Variants in GAREM1 observed in about 807,000 individuals in gnomAD.
GAREM1 encodes the protein GRB2-associated and regulator of MAPK protein 1.
GAREM1 carries 26 observed loss-of-function variants against 71.3 expected under a neutral mutation model. That is an observed-to-expected ratio of 0.36 (90% CI 0.27 to 0.51). The LOEUF (loss-of-function observed/expected upper bound fraction) is 0.51. Among genes scored for constraint, GAREM1 ranks in the 20% least tolerant of loss-of-function variants. The pLI, the probability that GAREM1 is intolerant of heterozygous loss-of-function variation, is 0.95. For synonymous variants in GAREM1, 440 were observed against 433.2 expected (o/e 1.02, Z -0.20); for missense variants, 1,026 against 1,103.1 (o/e 0.93, Z 0.99).
At chr18:32,344,364 T>A (rs1231535777) in intron 2 of GAREM1, among the ~76,000 whole-genome samples, 1 of 152,196 alleles carries the variant, frequency 6.6e-6, no homozygotes, top group Non-Finnish European at 1.5e-5. Context: ...AACTTTATCC[T>A]TCTTAGTACT....
Position 32,470,335 on chromosome 18 carries a change from G to C in GAREM1, c.94C>G (p.Leu32Val). The change falls in exon 1 of 6, where the codon CTG becomes GTG. Residue 32 changes from leucine to valine, a missense_variant. Around this residue, in one of 3 missense-constraint regions of GAREM1, gnomAD observed 172 missense variants for 175.2 expected, o/e 0.98. Coordinates refer to ENST00000269209, the MANE Select transcript of GAREM1 (RefSeq NM_001242409.2). The surrounding 1 kb of genome is among the most constrained non-coding windows in gnomAD (Gnocchi z 4.4). ...PLDLLVSTYRLPQIARLDNGE... is the reference protein window; with the variant it reads ...PLDLLVSTYRVPQIARLDNGE... ...TTGTCCAGGCGCGCGATCTGGGGCA[G>C]CCGGTAAGTGCTGACCAGGAGGTCG... The C allele has an allele frequency of 1.9e-6, 3 of 1,564,700 alleles. No homozygotes were observed. The highest frequency in any genetic ancestry group is 2.6e-6 in the Non-Finnish European group (3 of 1,158,066).
chr18:32,373,865 A>G (rs960697029), intron 2 of GAREM1, among the ~76,000 whole-genome samples: 3 of 152,252 alleles, frequency 2.0e-5, no homozygotes, highest in Admixed American at 2.0e-4. Context: ...ATAAAACAAT[A>G]GATGAGAATT....
intron 1 of GAREM1, among the ~76,000 whole-genome samples, chr18:32,462,681 G>A (rs373214066): frequency 3.3e-5 from 5 of 152,212 alleles, no homozygotes; most frequent in South Asian, 2.1e-4. Context: ...AAAAATCCTC[G>A]CCTAGTCTAA....
intron 2 of GAREM1, among the ~76,000 whole-genome samples, chr18:32,391,694 C>T (rs1314395065): frequency 6.6e-6 from 1 of 152,062 alleles, no homozygotes; most frequent in Non-Finnish European, 1.5e-5. Flanking sequence ...TGAAAACTGC[C>T]CCACTTGCCT....
chr18:32,468,079 G>T (rs560124381), intron 1 of GAREM1, among the ~76,000 whole-genome samples: 1 of 152,166 alleles, frequency 6.6e-6, no homozygotes, highest in East Asian at 1.9e-4. Flanking sequence ...CAATGCTCAC[G>T]TTGGTGTAAA....
intron 1 of GAREM1, among the ~76,000 whole-genome samples, chr18:32,449,547 G>A (rs1424771095): frequency 3.9e-5 from 6 of 152,026 alleles, no homozygotes; most frequent in African/African-American, 1.4e-4. Flanking sequence ...AGTTGGGTGT[G>A]GTGGTGCACA....
rs1280130413 is a variant in GAREM1, at chr18:32,403,925, AT to A, written c.122-10891del. 3.9e-5 allele frequency among the ~76,000 whole-genome samples: 6 copies of A among 152,330 alleles called. No homozygotes were observed. The South Asian group carries it at 8.3e-4, about 21-fold the overall frequency. On this transcript the variant is annotated intron_variant, in intron 1 of 5. Transcript: ENST00000269209. Reference sequence around the variant, plus strand: ...AACTTAACCTGTAGAAATTACAAGCATTTTTTTCCATTTTAAAACTGGTCTA... The same window carrying A: ...AACTTAACCTGTAGAAATTACAAGCATTTTTTCCATTTTAAAACTGGTCTA...
At chr18:32,347,780 T>TAGAGAC (rs1343729040) in intron 2 of GAREM1, among the ~76,000 whole-genome samples, 1 of 152,192 alleles carries the variant, frequency 6.6e-6, no homozygotes, top group Admixed American at 6.5e-5. Flanking sequence ...CTTATCCATA[T>TAGAGAC]AGAGACAATG....
intron 4 of GAREM1, among the ~76,000 whole-genome samples, chr18:32,272,857 A>C (rs2041482647): frequency 6.6e-6 from 1 of 152,208 alleles, no homozygotes; most frequent in African/African-American, 2.4e-5. Context: ...TGCTGACCTC[A>C]GGTGATCCAC....
At chr18:32,442,011 G>GAA (rs35982238) in intron 1 of GAREM1, among the ~76,000 whole-genome samples, 12 of 151,562 alleles carry the variant, frequency 7.9e-5, no homozygotes, top group East Asian at 7.8e-4. Flanking sequence ...TTTTTTACAG[G>GAA]AAAAAATCCC....
chr18:32,419,963 G>A (rs1040776013), intron 1 of GAREM1, among the ~76,000 whole-genome samples: 3 of 152,164 alleles, frequency 2.0e-5, no homozygotes, highest in African/African-American at 4.8e-5. Context: ...CGCCTAAGGT[G>A]AGTGGAAGAG....
At chr18:32,446,006 T>C (rs914785844) in intron 1 of GAREM1, among the ~76,000 whole-genome samples, 1 of 152,162 alleles carries the variant, frequency 6.6e-6, no homozygotes, top group Non-Finnish European at 1.5e-5. Context: ...TAATTTTACA[T>C]GATGCTCTGC....
At chr18:32,464,948 C>T (rs1568022030) in intron 1 of GAREM1, among the ~76,000 whole-genome samples, 1 of 152,182 alleles carries the variant, frequency 6.6e-6, no homozygotes, top group Non-Finnish European at 1.5e-5. Flanking sequence ...TGTTAGTTGA[C>T]TGAATAAACA....
intron 1 of GAREM1, among the ~76,000 whole-genome samples, chr18:32,400,339 A>C (rs2048301723): frequency 2.0e-5 from 3 of 152,334 alleles, no homozygotes; most frequent in Non-Finnish European, 2.9e-5. Flanking sequence ...TAATTAAACT[A>C]AAGAGCTTCT....
chr18:32,288,500 T>C (rs555492385), intron 3 of GAREM1, among the ~76,000 whole-genome samples: 103 of 152,154 alleles, frequency 6.8e-4, no homozygotes, highest in African/African-American at 2.4e-3. Flanking sequence ...CAGTTATAAA[T>C]GTTTTCATGA....
At chr18:32,441,588 C>T (rs1024901355) in intron 1 of GAREM1, among the ~76,000 whole-genome samples, 1 of 152,110 alleles carries the variant, frequency 6.6e-6, no homozygotes, top group African/African-American at 2.4e-5. Context: ...GACTGCGCAC[C>T]CAGACACAAA....
Position 32,265,132 on chromosome 18 carries a change from T to TA in GAREM1, c.*2738_*2739insT, listed in dbSNP as rs2041355466. On this transcript the variant is annotated 3_prime_UTR_variant, in exon 6 of 6. Transcript: ENST00000269209. ...GATTCTCTTGGAGCTATGAATGCTC[T>TA]GTCCAGTCAGGACACCAAGGTCCTT... 1 of 152,276 alleles carries TA rather than the reference T, an allele frequency of 6.6e-6. No homozygotes were observed. Among genetic ancestry groups the TA allele is most frequent in the Non-Finnish European group, 1.5e-5 (1 of 68,068 alleles). 9.4% of individuals were successfully genotyped at this position (152,276 alleles called of 1,614,324 possible). A position where few individuals can be genotyped will look rare whatever the true frequency, so the allele number is the denominator to read the frequency against.
intron 2 of GAREM1, among the ~76,000 whole-genome samples, chr18:32,327,315 T>C (rs630320): frequency 0.03 from 4,542 of 152,298 alleles, 94 homozygotes; most frequent in Non-Finnish European, 0.043. Flanking sequence ...ATAAGAAACA[T>C]AGTCATCAGA....
chr18:32,457,625 T>C (rs555487269), intron 1 of GAREM1, among the ~76,000 whole-genome samples: 1 of 152,272 alleles, frequency 6.6e-6, no homozygotes, highest in Admixed American at 6.5e-5. Context: ...GCTTCTTTGG[T>C]GTGGCACTAA....
Sources: allele counts gnomAD v4.1 joint callset (sites outside exome capture counted in the v4.1 genomes callset), GRCh38; gene constraint gnomAD v4.1.1; regional missense constraint gnomAD v4.1.1; non-coding constraint Gnocchi (gnomAD v3.1); transcripts MANE v1.5; gene names NCBI Gene and HGNC (gene_info 2026-07-23, HGNC 2026-07-21).